Variants in GTPBP4 observed in about 807,000 individuals in gnomAD.
GTPBP4 encodes GTP-binding protein 4.
GTPBP4 carries 15 observed loss-of-function variants against 81.7 expected under a neutral mutation model. The ratio of observed to expected loss-of-function variants is 0.18; its 90% CI spans 0.12 to 0.28. GTPBP4 has a LOEUF of 0.28. Ranked by LOEUF, GTPBP4 falls within the 10% of genes least tolerant of loss-of-function variation. GTPBP4 has a pLI of 1.00. For synonymous variants in GTPBP4, 272 were observed against 274.6 expected (o/e 0.99, Z 0.09); for missense variants, 847 against 793.8 (o/e 1.07, Z -0.81).
rs191997913 is a variant in GTPBP4, at chr10:1,008,795, G to A, written c.1114-163G>A. 6.0e-3 allele frequency: 4,014 copies of A among 668,774 alleles called. 23 individuals carry two copies. Among genetic ancestry groups the A allele is most frequent in the Non-Finnish European group, 8.2e-3 (2,992 of 363,956 alleles). 41.4% of individuals were successfully genotyped at this position (668,774 alleles called of 1,614,324 possible). A position where few individuals can be genotyped will look rare whatever the true frequency, so the allele number is the denominator to read the frequency against. On this transcript the variant is annotated intron_variant, in intron 10 of 16. Coordinates refer to ENST00000360803, the MANE Select transcript of GTPBP4 (RefSeq NM_012341.3). ...GTTGGTTGTTAATTGGTCTCGGTATGAACCCACTCCTCTCCCCTAAAATAA... is the reference window on the plus strand; with the variant it reads ...GTTGGTTGTTAATTGGTCTCGGTATAAACCCACTCCTCTCCCCTAAAATAA...
chr10:1,010,863 C>T (rs553611693), intron 13 of GTPBP4, among the ~76,000 whole-genome samples: 1 of 144,138 alleles, frequency 6.9e-6, no homozygotes, highest in South Asian at 2.2e-4. Flanking sequence ...AGATGCTGGG[C>T]CCCTTCATTC....
chr10:1,019,850 G>C lies in GTPBP4; in HGVS notation c.*2623G>C, dbSNP rs1159850937. 1.9e-6 allele frequency: 3 copies of C among 1,585,240 alleles called. No homozygotes were observed. Among genetic ancestry groups the C allele is most frequent in the Non-Finnish European group, 2.6e-6 (3 of 1,154,316 alleles). ...CTGGAGAAATCTATTGACAGAAATT[G>C]GTGCAGTGTTAACAACGCTAATGTA... is the stretch of plus-strand genomic sequence containing the variant. On this transcript the variant is annotated 3_prime_UTR_variant, in exon 17 of 17. Transcript: ENST00000360803.
rs571298305 is a variant in GTPBP4 at position 1,007,378 on chromosome 10, A to G, written c.1113+250A>G. On this transcript the variant is annotated intron_variant, in intron 10 of 16. Coordinates refer to ENST00000360803, the MANE Select transcript of GTPBP4 (RefSeq NM_012341.3). ...TTATCCTTCCAGAAATGTTTCTGAT[A>G]TAGAAGATTAGTTTCTAAAAAGTTC... The G allele has an allele frequency of 4.1e-5, 15 of 367,516 alleles. No homozygotes were observed. In the East Asian group the frequency reaches 6.3e-4, roughly 15 times the overall value. The allele number at this position is 367,516 out of a possible 1,614,324, so 22.8% of individuals were successfully genotyped here.
rs368246428 is a variant in GTPBP4 at position 1,015,713 on chromosome 10, G to A, written c.1609-40G>A. On this transcript the variant is annotated intron_variant, in intron 15 of 16. Transcript: ENST00000360803. ...GAGCACTGAGCCTGGGAGTGGACCT[G>A]GGGTCCTGAGCGCTGAGCATTGCTT... is the stretch of plus-strand genomic sequence containing the variant. 19 of 1,549,962 alleles carry A rather than the reference G, an allele frequency of 1.2e-5. 1 individual carries two copies. Among genetic ancestry groups the A allele is most frequent in the Non-Finnish European group, 1.7e-5 (19 of 1,139,980 alleles).
rs1293282834 is a variant in GTPBP4 at position 1,019,400 on chromosome 10, G to A, written c.*2173G>A. The stretch of plus-strand genomic sequence containing the variant: ...AAGGTTGAAATAGTGATTTATACAT[G>A]ATGGGCAATCAAGTGCCCCTTTTGC... On this transcript the variant is annotated 3_prime_UTR_variant, in exon 17 of 17. Transcript: ENST00000360803. 5.9e-6 allele frequency: 4 copies of A among 675,812 alleles called. No individual in the cohort carries two copies. Among genetic ancestry groups the A allele is most frequent in the Non-Finnish European group, 9.9e-6 (4 of 402,110 alleles). 41.9% of individuals were successfully genotyped at this position (675,812 alleles called of 1,614,324 possible).
At chr10:1,012,161 TG>T (rs1831889904) in intron 13 of GTPBP4, among the ~76,000 whole-genome samples, 1 of 152,180 alleles carries the variant, frequency 6.6e-6, no homozygotes, top group East Asian at 1.9e-4. Context: ...CCGGGAGCAT[TG>T]GAAGTGAAGG....
At chr10:1,004,873 C>G (rs1831696811) in intron 8 of GTPBP4, among the ~76,000 whole-genome samples, 1 of 152,144 alleles carries the variant, frequency 6.6e-6, no homozygotes. Flanking sequence ...AAGACATACT[C>G]CAGCCGCAGT....
In GTPBP4 at chr10:1,000,814, G is replaced by T. The variant is rs144254656; in HGVS notation, c.792G>T (p.Gly264=). ...VMDLSEQCGH[G]LREQLELFQN... ...ATTTGTCTGAGCAGTGTGGGCATGGGCTGAGGGAGCAGCTAGAACTCTTCC... is the reference window on the plus strand; with the variant it reads ...ATTTGTCTGAGCAGTGTGGGCATGGTCTGAGGGAGCAGCTAGAACTCTTCC... Residue 264 remains glycine (G), a synonymous_variant, in exon 7 of 17, where the codon GGG becomes GGT. Transcript: ENST00000360803. 1.6e-5 allele frequency: 26 copies of T among 1,611,108 alleles called. No homozygotes were observed. The highest frequency in any genetic ancestry group is 2.1e-5 in the Non-Finnish European group (25 of 1,178,408).
At chr10:1,005,929 G>A (rs1831720739) in intron 9 of GTPBP4, 22 bp downstream of exon 9, 2 of 1,216,496 alleles carry the variant, frequency 1.6e-6, no homozygotes, top group East Asian at 2.4e-5. Flanking sequence ...CTTAAGTCAG[G>A]TATTAGTCTT....
At chr10:1,009,702 T>G in intron 12 of GTPBP4, 122 bp downstream of exon 12, 1 of 726,094 alleles carries the variant, frequency 1.4e-6, no homozygotes, top group Non-Finnish European at 2.5e-6. Context: ...ACTTTTAATT[T>G]CTTGAAGATT....
At chr10:1,013,705 G>A (rs1472714032) in intron 14 of GTPBP4, among the ~76,000 whole-genome samples, 1 of 152,220 alleles carries the variant, frequency 6.6e-6, no homozygotes, top group Non-Finnish European at 1.5e-5. Flanking sequence ...TCTGTGGCAG[G>A]GTGGGACTGG....
intron 8 of GTPBP4, among the ~76,000 whole-genome samples, chr10:1,002,629 C>T (rs766547283): frequency 2.0e-5 from 3 of 152,146 alleles, no homozygotes; most frequent in Non-Finnish European, 2.9e-5. Flanking sequence ...TTGCTTTTCT[C>T]GGAAAGAATT....
rs1342686527 is a variant in GTPBP4, at chr10:1,019,655, C to G, written c.*2428C>G. 1.9e-6 allele frequency: 3 copies of G among 1,613,970 alleles called. No individual in the cohort carries two copies. Among genetic ancestry groups the G allele is most frequent in the African/African-American group, 2.7e-5 (2 of 74,910 alleles). ...CTTCACCCCTCGCCTCCCTCTCCAG[C>G]AGCTCCCACAGCTCCTCCTGGGACA... On this transcript the variant is annotated 3_prime_UTR_variant, in exon 17 of 17. Coordinates refer to ENST00000360803, the MANE Select transcript of GTPBP4 (RefSeq NM_012341.3).
intron 6 of GTPBP4, among the ~76,000 whole-genome samples, chr10:999,367 C>A (rs912733839): frequency 6.6e-6 from 1 of 152,082 alleles, no homozygotes; most frequent in African/African-American, 2.4e-5. Context: ...GTGATCTGCC[C>A]GCCTTGGCCT....
Position 1,000,726 on chromosome 10 carries a change from C to T in GTPBP4, c.704C>T (p.Thr235Ile), listed in dbSNP as rs1201136690. Residue 235 changes from threonine (T) to isoleucine (I), a missense_variant, in exon 7 of 17, where the codon ACC becomes ATC. Thr to Ile is a moderately conservative substitution (Grantham distance 89). Transcript: ENST00000360803. ...GACCACCCTCTGGAGGATAGGAACA[C>T]CATCGAGATGCAGGCCATCACTGCC... Reference protein sequence around the residue: ...ILDHPLEDRNTIEMQAITALA... With the variant: ...ILDHPLEDRNIIEMQAITALA... The T allele has an allele frequency of 6.3e-7, 1 of 1,580,406 alleles. No individual in the cohort carries two copies. The highest frequency in any genetic ancestry group is 1.2e-5 in the South Asian group (1 of 84,348).
At chr10:990,253 C>A (rs3101920) in intron 1 of GTPBP4, among the ~76,000 whole-genome samples, 150,648 of 152,206 alleles carry the variant, frequency 0.99, 74,571 homozygotes, top group Middle Eastern at 1. Flanking sequence ...TATCTAAAAA[C>A]TGGGTGATGG....
At chr10:992,370 A>C (rs1589022140) in intron 1 of GTPBP4, 119 bp from the exon 2 acceptor site, 1 of 620,492 alleles carries the variant, frequency 1.6e-6, no homozygotes, top group Non-Finnish European at 2.8e-6. Context: ...ACTGCACTCC[A>C]GCCTGGGCGA....
chr10:1,015,073 T>C (rs1831951141), intron 15 of GTPBP4, among the ~76,000 whole-genome samples: 1 of 152,218 alleles, frequency 6.6e-6, no homozygotes, highest in South Asian at 2.1e-4. Flanking sequence ...ATATCTGAAA[T>C]ATAAATTGTG....
chr10:1,011,021 GCC>G (rs1444590350), intron 13 of GTPBP4, among the ~76,000 whole-genome samples: 61 of 75,624 alleles, frequency 8.1e-4, no homozygotes, highest in Admixed American at 3.0e-3. Context: ...CTGTGTCTCC[GCC>G]AGGCCCTGGA....
Sources: allele counts gnomAD v4.1 joint callset (sites outside exome capture counted in the v4.1 genomes callset), GRCh38; gene constraint gnomAD v4.1.1; transcripts MANE v1.5; gene names NCBI Gene and HGNC (gene_info 2026-07-23, HGNC 2026-07-21).